Variants in PTPRD observed in about 807,000 individuals in gnomAD.
PTPRD encodes the protein protein tyrosine phosphatase receptor type D, also known as receptor-type tyrosine-protein phosphatase delta.
In PTPRD, 34 loss-of-function variants were observed where a neutral mutation model predicts 214.5. That is an observed-to-expected ratio of 0.16 (90% CI 0.12 to 0.21). The LOEUF is 0.21. Ranked by LOEUF, PTPRD falls within the 10% of genes least tolerant of loss-of-function variation. The pLI, the probability that PTPRD is intolerant of heterozygous loss-of-function variation, is 1.00. For missense variants in PTPRD, 2,545 were observed against 2,398.7 expected, an observed-to-expected ratio of 1.06 and a Z score of -1.27; for synonymous variants, 1,128 against 845.7, an observed-to-expected ratio of 1.33 and a Z score of -5.79.
intron 8 of PTPRD, among the ~76,000 whole-genome samples, chr9:9,541,440 A>C (rs773700345): frequency 5.9e-5 from 9 of 151,820 alleles, no homozygotes; most frequent in Admixed American, 1.3e-4. Flanking sequence ...TTCCAGCCCA[A>C]CCCAGCTACA....
intron 8 of PTPRD, among the ~76,000 whole-genome samples, chr9:9,469,430 G>A (rs903572007): frequency 3.1e-4 from 47 of 152,218 alleles, no homozygotes; most frequent in Middle Eastern, 3.4e-3. Context: ...TCACATGACC[G>A]ATGTACTTGG....
Position 8,821,452 on chromosome 9 carries a change from T to G in PTPRD, c.-103-87506A>C, listed in dbSNP as rs1017306831. Among the ~76,000 whole-genome samples, 9 of 152,178 alleles carry G rather than the reference T, an allele frequency of 5.9e-5. No individual in the cohort carries two copies. The East Asian group carries it at 1.7e-3, about 29-fold the overall frequency. On this transcript the variant is annotated intron_variant, in intron 11 of 45. Coordinates refer to ENST00000381196, the MANE Select transcript of PTPRD (RefSeq NM_002839.4). ...AATTCAAGGTAACTTCTACTGCGGT[T>G]TGTTTCTTTCTCTTAGCAGCTCCTT...
chr9:10,057,654 C>T (rs200081241), intron 3 of PTPRD, among the ~76,000 whole-genome samples: 2 of 152,028 alleles, frequency 1.3e-5, no homozygotes, highest in East Asian at 3.9e-4. Context: ...ACCATCCTGA[C>T]CAACATGGTG....
intron 10 of PTPRD, among the ~76,000 whole-genome samples, chr9:9,106,998 C>A (rs1196642358): frequency 6.6e-6 from 1 of 152,080 alleles, no homozygotes; most frequent in African/African-American, 2.4e-5. Context: ...AATCTGAAGC[C>A]CACTTTCTAA....
chr9:10,223,742 A>C (rs930450108), intron 3 of PTPRD, among the ~76,000 whole-genome samples: 21 of 149,490 alleles, frequency 1.4e-4, no homozygotes, highest in African/African-American at 5.1e-4. Flanking sequence ...ACTGTATTCC[A>C]TTAAAACAAA....
chr9:10,550,733 G>A (rs2061151973), intron 2 of PTPRD, among the ~76,000 whole-genome samples: 1 of 152,194 alleles, frequency 6.6e-6, no homozygotes, highest in Non-Finnish European at 1.5e-5. Flanking sequence ...TGTGCTTCAG[G>A]TGGGATGCTG....
At chr9:10,365,901 T>A (rs868623588) in intron 2 of PTPRD, among the ~76,000 whole-genome samples, 1 of 152,202 alleles carries the variant, frequency 6.6e-6, no homozygotes, top group Non-Finnish European at 1.5e-5. Flanking sequence ...ATTATATTAA[T>A]AGTTTCATAA....
At chr9:10,145,538 A>T (rs966230819) in intron 3 of PTPRD, among the ~76,000 whole-genome samples, 25 of 152,176 alleles carry the variant, frequency 1.6e-4, no homozygotes, top group African/African-American at 5.3e-4. Context: ...ACAGAATATA[A>T]TATATAGAAC....
intron 9 of PTPRD, among the ~76,000 whole-genome samples, chr9:9,293,390 T>G (rs1424379071): frequency 1.9e-5 from 2 of 107,076 alleles, no homozygotes; most frequent in Non-Finnish European, 2.4e-5. Flanking sequence ...TTGTTTGTTC[T>G]TTTTTTTTTT....
At chr9:10,363,730 T>C (rs534233871) in intron 2 of PTPRD, among the ~76,000 whole-genome samples, 10 of 152,194 alleles carry the variant, frequency 6.6e-5, no homozygotes, top group Non-Finnish European at 1.5e-4. Context: ...TAGATAACCA[T>C]TGTCCAAATA....
intron 10 of PTPRD, among the ~76,000 whole-genome samples, chr9:9,131,770 T>C (rs1367248801): frequency 6.6e-6 from 1 of 152,202 alleles, no homozygotes; most frequent in Non-Finnish European, 1.5e-5. Flanking sequence ...AAGAGATTGG[T>C]GACTTAATTA....
chr9:8,547,183 T>C (rs1251284889), intron 14 of PTPRD, among the ~76,000 whole-genome samples: 1 of 152,162 alleles, frequency 6.6e-6, no homozygotes, highest in Non-Finnish European at 1.5e-5. Context: ...TCAGTACATG[T>C]CCAAATGAAT....
At chr9:9,526,996 TCTC>T (rs2074276532) in intron 8 of PTPRD, among the ~76,000 whole-genome samples, 1 of 152,150 alleles carries the variant, frequency 6.6e-6, no homozygotes. Flanking sequence ...CAGTTTAACA[TCTC>T]CTTATTATTT....
intron 7 of PTPRD, among the ~76,000 whole-genome samples, chr9:9,685,591 T>C (rs867495038): frequency 1.3e-5 from 2 of 151,462 alleles, no homozygotes; most frequent in South Asian, 4.1e-4. Flanking sequence ...ATCAAAATAT[T>C]CAGACACCCT....
intron 7 of PTPRD, among the ~76,000 whole-genome samples, chr9:9,598,973 C>G (rs1239012684): frequency 2.0e-5 from 3 of 152,102 alleles, no homozygotes; most frequent in South Asian, 4.1e-4. Context: ...TCATATTGTA[C>G]TCTTTCGAAC....
intron 8 of PTPRD, among the ~76,000 whole-genome samples, chr9:9,524,566 C>T (rs1329337870): frequency 3.9e-5 from 6 of 152,120 alleles, no homozygotes; most frequent in Non-Finnish European, 8.8e-5. Flanking sequence ...GCTTACTTTC[C>T]TTTTGCCAGA....
chr9:10,399,857 G>A (rs545585622), intron 2 of PTPRD, among the ~76,000 whole-genome samples: 3 of 151,938 alleles, frequency 2.0e-5, no homozygotes, highest in Non-Finnish European at 4.4e-5. Context: ...AGGGGTATTT[G>A]AGCTGGAGGA....
chr9:8,774,527 C>CTTTTTTTTTTTTTT (rs564318443), intron 11 of PTPRD, among the ~76,000 whole-genome samples: 1 of 105,226 alleles, frequency 9.5e-6, no homozygotes, highest in Non-Finnish European at 1.8e-5. Flanking sequence ...TGAAAAGTAA[C>CTTTTTTTTTTTTTT]TTTTTTTTTT....
At chr9:9,277,852 A>T (rs1243918583) in intron 9 of PTPRD, among the ~76,000 whole-genome samples, 1 of 151,398 alleles carries the variant, frequency 6.6e-6, no homozygotes, top group Non-Finnish European at 1.5e-5. Context: ...AAATCCAGAA[A>T]ATTGTGTTTC....
Sources: allele counts gnomAD v4.1 joint callset (sites outside exome capture counted in the v4.1 genomes callset), GRCh38; gene constraint gnomAD v4.1.1; transcripts MANE v1.5; gene names NCBI Gene and HGNC (gene_info 2026-07-23, HGNC 2026-07-21).